Variants in NPAS2 observed in about 807,000 individuals in gnomAD.
NPAS2 encodes neuronal PAS domain protein 2, also known as neuronal PAS domain-containing protein 2.
NPAS2 carries 23 observed loss-of-function variants against 107.5 expected under a neutral mutation model. The ratio of observed to expected loss-of-function variants is 0.21; its 90% CI spans 0.15 to 0.30. The LOEUF is 0.30. Among genes scored for constraint, NPAS2 ranks in the 10% least tolerant of loss-of-function variants. The pLI, the probability that NPAS2 is intolerant of heterozygous loss-of-function variation, is 1.00. For missense variants in NPAS2, 756 were observed against 1,043.3 expected (o/e 0.72, Z 3.79); for synonymous variants, 403 against 417.5 (o/e 0.97, Z 0.42).
chr2:100,945,361 G>A lies in NPAS2; in HGVS notation c.364-2874G>A, dbSNP rs192849118. Among the ~76,000 whole-genome samples, 176 of 152,234 alleles carry A rather than the reference G, an allele frequency of 1.2e-3. 1 individual carries two copies. The highest frequency in any genetic ancestry group is 4.1e-3 in the African/African-American group (172 of 41,540). ...TGCCCAACAGCGGCTGGCACATGGCGGCCCTCAGCAAGTATTGTTTGGACT... is the reference window on the plus strand; with the variant it reads ...TGCCCAACAGCGGCTGGCACATGGCAGCCCTCAGCAAGTATTGTTTGGACT... On this transcript the variant is annotated intron_variant, in intron 5 of 20. Coordinates refer to ENST00000335681, the MANE Select transcript of NPAS2 (RefSeq NM_002518.4).
chr2:100,971,033 G>A lies in NPAS2; in HGVS notation c.1099G>A (p.Glu367Lys), dbSNP rs1268938143. The A allele has an allele frequency of 1.2e-6, 2 of 1,614,076 alleles. No individual in the cohort carries two copies. Reference protein sequence around the residue: ...RVERRQELALEDPPSEALHSS... With the variant: ...RVERRQELALKDPPSEALHSS... ...GGAAAGGAGGCAGGAGCTGGCTCTGGAAGACCCGCCATCCGAGGCCCTCCA... is the reference window on the plus strand; with the variant it reads ...GGAAAGGAGGCAGGAGCTGGCTCTGAAAGACCCGCCATCCGAGGCCCTCCA... Residue 367 changes from glutamate to lysine, a missense_variant, in exon 12 of 21, where the codon GAA becomes AAA. Coordinates refer to ENST00000335681, the MANE Select transcript of NPAS2 (RefSeq NM_002518.4).
In NPAS2 at chr2:100,974,785, T is replaced by C; in HGVS notation, c.1141-18T>C. 6.2e-7 allele frequency: 1 copy of C among 1,612,192 alleles called. No individual in the cohort carries two copies. The highest frequency in any genetic ancestry group is 8.5e-7 in the Non-Finnish European group (1 of 1,179,010). ...CTCTTGATGCTGACATGAGGACTGTTTGATGTGTGTGTTTCAGGACAAGGG... is the reference window on the plus strand; with the variant it reads ...CTCTTGATGCTGACATGAGGACTGTCTGATGTGTGTGTTTCAGGACAAGGG... On this transcript the variant is annotated intron_variant, in intron 12 of 20. Transcript: ENST00000335681.
chr2:100,969,966 C>T (rs1374735479), intron 11 of NPAS2, among the ~76,000 whole-genome samples: 1 of 152,218 alleles, frequency 6.6e-6, no homozygotes, highest in Non-Finnish European at 1.5e-5. Flanking sequence ...ACACTACACA[C>T]ACTCACACCA....
chr2:100,860,799 C>T (rs1444949988), intron 1 of NPAS2, among the ~76,000 whole-genome samples: 2 of 152,146 alleles, frequency 1.3e-5, no homozygotes, highest in Non-Finnish European at 2.9e-5. Flanking sequence ...TCTTTGAGCT[C>T]TTCTGACTTT....
At chr2:100,882,607 C>T (rs952735901) in intron 1 of NPAS2, among the ~76,000 whole-genome samples, 5 of 150,956 alleles carry the variant, frequency 3.3e-5, no homozygotes, top group African/African-American at 7.3e-5. Flanking sequence ...AGCGAGACTC[C>T]GTCTCAAAAC....
At chr2:100,857,889 G>C (rs1178509980) in intron 1 of NPAS2, among the ~76,000 whole-genome samples, 1 of 152,264 alleles carries the variant, frequency 6.6e-6, no homozygotes, top group East Asian at 1.9e-4. Context: ...AGCTCAAGCT[G>C]CCTCCTGGCA....
chr2:100,860,864 T>C (rs971005159), intron 1 of NPAS2, among the ~76,000 whole-genome samples: 16 of 152,150 alleles, frequency 1.1e-4, no homozygotes, highest in African/African-American at 3.9e-4. Flanking sequence ...TGGTTTTTTT[T>C]TATTGTTTGT....
intron 12 of NPAS2, among the ~76,000 whole-genome samples, chr2:100,971,885 G>A (rs138581710): frequency 2.6e-5 from 4 of 151,568 alleles, no homozygotes; most frequent in Non-Finnish European, 5.9e-5. Flanking sequence ...AAGGGAGGGA[G>A]TGTTGTATTT....
At chr2:100,860,230 T>C (rs1243188772) in intron 1 of NPAS2, among the ~76,000 whole-genome samples, 1 of 152,208 alleles carries the variant, frequency 6.6e-6, no homozygotes, top group Non-Finnish European at 1.5e-5. Flanking sequence ...GTCATTTCCT[T>C]CATAGAATGA....
chr2:100,931,776 G>A lies in NPAS2; in HGVS notation c.182-1134G>A, dbSNP rs572462331. Among the ~76,000 whole-genome samples the A allele has an allele frequency of 3.9e-5, 6 of 152,166 alleles. No homozygotes were observed. In the South Asian group the frequency reaches 6.2e-4, roughly 16 times the overall value. ...TGGGATTACAGGCGTGAGCCACCGC[G>A]CCCGGCCATAACTCAGCTCTTTACA... On this transcript the variant is annotated intron_variant, in intron 3 of 20. Transcript: ENST00000335681.
intron 1 of NPAS2, among the ~76,000 whole-genome samples, chr2:100,861,245 A>G (rs1678923121): frequency 6.6e-6 from 1 of 152,042 alleles, no homozygotes; most frequent in Non-Finnish European, 1.5e-5. Flanking sequence ...TGGCATTTCT[A>G]ACATATTACT....
intron 1 of NPAS2, among the ~76,000 whole-genome samples, chr2:100,883,398 TG>T (rs1055681764): frequency 3.3e-5 from 5 of 151,974 alleles, no homozygotes; most frequent in Admixed American, 2.6e-4. Flanking sequence ...GACTGGAGGG[TG>T]GGAATGAGGT....
intron 1 of NPAS2, among the ~76,000 whole-genome samples, chr2:100,856,684 T>C (rs1265103018): frequency 8.1e-6 from 1 of 123,088 alleles, no homozygotes; most frequent in Non-Finnish European, 1.6e-5. Flanking sequence ...TCGGAAGCAA[T>C]GTAGAGAGAA....
intron 1 of NPAS2, among the ~76,000 whole-genome samples, chr2:100,887,496 TG>T (rs768033196): frequency 1.8e-4 from 28 of 152,188 alleles, no homozygotes; most frequent in Non-Finnish European, 3.4e-4. Flanking sequence ...GCAGGCGAGC[TG>T]GGAGGTAGCA....
At chr2:100,937,081 G>A (rs1218736309) in intron 4 of NPAS2, among the ~76,000 whole-genome samples, 1 of 151,890 alleles carries the variant, frequency 6.6e-6, no homozygotes, top group Non-Finnish European at 1.5e-5. Flanking sequence ...AGGACAGTGT[G>A]CCCAGCATAG....
intron 1 of NPAS2, among the ~76,000 whole-genome samples, chr2:100,828,671 A>G (rs1479634226): frequency 6.6e-6 from 1 of 151,960 alleles, no homozygotes; most frequent in Non-Finnish European, 1.5e-5. Context: ...CCCATTGCTT[A>G]TTTTTGTCAA....
intron 1 of NPAS2, among the ~76,000 whole-genome samples, chr2:100,838,351 C>T (rs1341434982): frequency 6.6e-6 from 1 of 152,082 alleles, no homozygotes; most frequent in East Asian, 1.9e-4. Context: ...AATCTCAGCT[C>T]ACTGAAACCT....
intron 2 of NPAS2, among the ~76,000 whole-genome samples, chr2:100,914,924 AT>A (rs1399061148): frequency 6.6e-6 from 1 of 151,972 alleles, no homozygotes; most frequent in Non-Finnish European, 1.5e-5. Flanking sequence ...CGAGTTCACC[AT>A]TTTTTCCCCT....
At chr2:100,854,864 C>G (rs1481089673) in intron 1 of NPAS2, among the ~76,000 whole-genome samples, 1 of 152,166 alleles carries the variant, frequency 6.6e-6, no homozygotes, top group Non-Finnish European at 1.5e-5. Context: ...CACAGTGTGG[C>G]TATTGAGACG....
Sources: allele counts gnomAD v4.1 joint callset (sites outside exome capture counted in the v4.1 genomes callset), GRCh38; gene constraint gnomAD v4.1.1; transcripts MANE v1.5; gene names NCBI Gene and HGNC (gene_info 2026-07-23, HGNC 2026-07-21).